C10orf88: variants seen among roughly 807,000 people sequenced by gnomAD.
The protein encoded by C10orf88 is chromosome 10 open reading frame 88.
In C10orf88, 29 loss-of-function variants were observed where a neutral mutation model predicts 34.2. The observed-to-expected ratio is 0.85, with a 90% confidence interval of 0.63 to 1.16. The LOEUF is 1.16. C10orf88 is among the 50% of genes most tolerant of loss of function. C10orf88 has a pLI of 0.00. For synonymous variants in C10orf88, 194 were observed against 197.4 expected, an observed-to-expected ratio of 0.98 and a Z score of 0.15; for missense variants, 507 against 533.2, an observed-to-expected ratio of 0.95 and a Z score of 0.48.
At chr10:122,951,363 C>A (rs1256453843) in intron 3 of C10orf88, among the ~76,000 whole-genome samples, 2 of 151,976 alleles carry the variant, frequency 1.3e-5, no homozygotes. Context: ...AATAAATAGT[C>A]AAATTTTATT....
intron 5 of C10orf88, among the ~76,000 whole-genome samples, chr10:122,933,893 C>CT (rs988972112): frequency 1.3e-5 from 2 of 151,906 alleles, no homozygotes; most frequent in Non-Finnish European, 2.9e-5. Context: ...GAAAATCTGG[C>CT]TTTTTTTCAT....
Position 122,954,149 on chromosome 10 carries a change from G to A in C10orf88, c.30C>T (p.Leu10=). 3.8e-6 allele frequency: 6 copies of A among 1,582,004 alleles called. No homozygotes were observed. The highest frequency in any genetic ancestry group is 4.3e-6 in the Non-Finnish European group (5 of 1,168,714). METRTEDGG[L]TRRPTLASSW... ...AAGAGGCCAGCGTGGGGCGGCGGGT[G>A]AGGCCCCCGTCCTCGGTCCGCGTCT... is the stretch of plus-strand genomic sequence containing the variant. Residue 10 remains leucine (L), a synonymous_variant, in exon 1 of 6, where the codon CTC becomes CTT. Transcript: ENST00000481909.
At chr10:122,942,639 C>T (rs368169062) in intron 4 of C10orf88, among the ~76,000 whole-genome samples, 1 of 149,744 alleles carries the variant, frequency 6.7e-6, no homozygotes, top group Non-Finnish European at 1.5e-5. Context: ...CGTCTCAGCC[C>T]AAAATCTCCT....
intron 3 of C10orf88, 116 bp from the exon 4 acceptor site, chr10:122,948,971 T>C: frequency 1.1e-6 from 1 of 928,222 alleles, no homozygotes; most frequent in Non-Finnish European, 1.6e-6. Flanking sequence ...AAAATTAACT[T>C]CAAGTATATT....
At chr10:122,939,676 C>A (rs1848566193) in intron 4 of C10orf88, among the ~76,000 whole-genome samples, 1 of 151,658 alleles carries the variant, frequency 6.6e-6, no homozygotes, top group South Asian at 2.1e-4. Flanking sequence ...TGGACAACTC[C>A]CCATAAGCTC....
intron 4 of C10orf88, among the ~76,000 whole-genome samples, chr10:122,946,782 G>A (rs1227789509): frequency 6.6e-6 from 1 of 152,032 alleles, no homozygotes; most frequent in East Asian, 1.9e-4. Flanking sequence ...ATCTGAATAA[G>A]AAAAATGCAG....
At chr10:122,934,424 T>C (rs972490523) in intron 5 of C10orf88, among the ~76,000 whole-genome samples, 2 of 152,184 alleles carry the variant, frequency 1.3e-5, no homozygotes, top group African/African-American at 4.8e-5. Context: ...GAAAATATTA[T>C]AAAGTGAGAT....
Position 122,936,406 on chromosome 10 carries a change from CT to C in C10orf88, c.1103+1298del, listed in dbSNP as rs1167002658. 3.3e-5 allele frequency among the ~76,000 whole-genome samples: 5 copies of C among 151,878 alleles called. No individual in the cohort carries two copies. The East Asian group carries it at 9.7e-4, about 29-fold the overall frequency. On this transcript the variant is annotated intron_variant, in intron 5 of 5. Transcript: ENST00000481909. ...TTTATTGAAATTTTCAAAGAACTGG[CT>C]TTTGGCTTCATTGATTTTGTTTGCT...
chr10:122,931,248 A>G lies in C10orf88; in HGVS notation c.*1179T>C, dbSNP rs1336086833. On this transcript the variant is annotated 3_prime_UTR_variant, in exon 6 of 6. Transcript: ENST00000481909. ...TCTTTTTAAAGTCGTTTGGTCAGCT[A>G]TCGTGGTTGTAACCAGTCTCCTCTG... is the stretch of plus-strand genomic sequence containing the variant. 6.6e-6 allele frequency: 1 copy of G among 152,152 alleles called. No individual in the cohort carries two copies. The highest frequency in any genetic ancestry group is 1.5e-5 in the Non-Finnish European group (1 of 68,024). 9.4% of individuals were successfully genotyped at this position (152,152 alleles called of 1,614,324 possible). A position where few individuals can be genotyped will look rare whatever the true frequency, so the allele number is the denominator to read the frequency against.
chr10:122,940,973 T>A (rs1171407451), intron 4 of C10orf88, among the ~76,000 whole-genome samples: 1 of 152,012 alleles, frequency 6.6e-6, no homozygotes, highest in African/African-American at 2.4e-5. Context: ...CAATAGAGAT[T>A]TCTGAAAAAA....
chr10:122,942,946 T>C (rs1262604215), intron 4 of C10orf88, among the ~76,000 whole-genome samples: 1 of 148,402 alleles, frequency 6.7e-6, no homozygotes, highest in Non-Finnish European at 1.5e-5. Context: ...ATGGCCATAC[T>C]GCCCAAGGTA....
At position 122,932,490 on chromosome 10, in the gene C10orf88, C is replaced by T. The variant is rs758780073; in HGVS notation, c.1275G>A (p.Pro425=). 16 of 1,613,788 alleles carry T rather than the reference C, an allele frequency of 9.9e-6. No individual in the cohort carries two copies. Among genetic ancestry groups the T allele is most frequent in the African/African-American group, 2.7e-5 (2 of 74,850 alleles). ...AATGTCTTAGAGGTATCCCAGTGGG[C>T]GGGGAGTTAGGATTTTGCAGCAAAT... The part of the protein sequence containing the change: ...LLDLLQNPNS[P]PTGIPLRHYD... Residue 425 remains proline (P), a synonymous_variant, in exon 6 of 6, where the codon CCG becomes CCA. Coordinates refer to ENST00000481909, the MANE Select transcript of C10orf88 (RefSeq NM_024942.4).
intron 4 of C10orf88, 83 bp from the exon 5 acceptor site, chr10:122,938,242 T>C: frequency 8.8e-7 from 1 of 1,135,460 alleles, no homozygotes. Context: ...TCAGGCACTG[T>C]GCATTGTTTC....
chr10:122,932,903 C>T (rs745340782), intron 5 of C10orf88, among the ~76,000 whole-genome samples: 7 of 152,128 alleles, frequency 4.6e-5, no homozygotes, highest in Non-Finnish European at 8.8e-5. Context: ...TGAAAAGGAA[C>T]CCTCAAAGAG....
intron 3 of C10orf88, among the ~76,000 whole-genome samples, chr10:122,949,269 T>C (rs1380920839): frequency 6.6e-6 from 1 of 152,168 alleles, no homozygotes; most frequent in Non-Finnish European, 1.5e-5. Context: ...TAAAGTTTAA[T>C]TTATAAATTA....
At chr10:122,948,179 C>T (rs959365202) in intron 4 of C10orf88, among the ~76,000 whole-genome samples, 2 of 152,128 alleles carry the variant, frequency 1.3e-5, no homozygotes, top group African/African-American at 4.8e-5. Context: ...ATTCTTCTAG[C>T]ATTGAAGATT....
In C10orf88 at chr10:122,932,383, A is replaced by C; in HGVS notation, c.*44T>G. The C allele has an allele frequency of 6.7e-7, 1 of 1,486,810 alleles. No individual in the cohort carries two copies. Among genetic ancestry groups the C allele is most frequent in the Non-Finnish European group, 9.2e-7 (1 of 1,087,122 alleles). The allele number at this position is 1,486,810 out of a possible 1,614,324, so 92.1% of individuals were successfully genotyped here. A position where few individuals can be genotyped will look rare whatever the true frequency, so the allele number is the denominator to read the frequency against. On this transcript the variant is annotated 3_prime_UTR_variant, in exon 6 of 6. Transcript: ENST00000481909. Reference sequence around the variant, plus strand: ...TATTTTTGGGTTTTGGCTTTGTAATAAATATGTAATAAATATCTGCAGTAC... The same window carrying C: ...TATTTTTGGGTTTTGGCTTTGTAATCAATATGTAATAAATATCTGCAGTAC...
At chr10:122,947,802 T>C (rs1237065024) in intron 4 of C10orf88, among the ~76,000 whole-genome samples, 1 of 152,232 alleles carries the variant, frequency 6.6e-6, no homozygotes, top group Non-Finnish European at 1.5e-5. Flanking sequence ...CTCAATTTCA[T>C]GTTTAACTTG....
At chr10:122,934,261 A>C (rs1848513157) in intron 5 of C10orf88, among the ~76,000 whole-genome samples, 1 of 152,154 alleles carries the variant, frequency 6.6e-6, no homozygotes. Context: ...ATTTATTTAA[A>C]CACCACCATA....
Sources: allele counts gnomAD v4.1 joint callset (sites outside exome capture counted in the v4.1 genomes callset), GRCh38; gene constraint gnomAD v4.1.1; transcripts MANE v1.5; gene names NCBI Gene and HGNC (gene_info 2026-07-23, HGNC 2026-07-21).